The following YWHAZ variants were observed in gnomAD, a reference collection of about 807,000 sequenced individuals.
YWHAZ encodes 14-3-3 protein zeta/delta.
For synonymous variants in YWHAZ, 87 were observed against 103.6 expected, an observed-to-expected ratio of 0.84 and a Z score of 0.97; for missense variants, 79 against 284.8, an observed-to-expected ratio of 0.28 and a Z score of 5.20.
At chr8:100,950,611 C>G (rs972748815) in intron 1 of YWHAZ, 2 of 985,734 alleles carry the variant, frequency 2.0e-6, no homozygotes, top group Non-Finnish European at 2.4e-6. Context: ...TTCCTCCCCC[C>G]GACCGGAGCC....
chr8:100,945,498 T>C (rs1810200570), intron 2 of YWHAZ, among the ~76,000 whole-genome samples: 1 of 152,160 alleles, frequency 6.6e-6, no homozygotes, highest in Admixed American at 6.5e-5. Context: ...CCTGCTTATT[T>C]TTCTCAAATT....
chr8:100,944,640 T>G (rs903145854), intron 2 of YWHAZ, among the ~76,000 whole-genome samples: 1 of 152,230 alleles, frequency 6.6e-6, no homozygotes, highest in East Asian at 1.9e-4. Context: ...TAAAGGCTTC[T>G]TCAATCTTCG....
At chr8:100,950,558 G>A in intron 1 of YWHAZ, 5 of 985,482 alleles carry the variant, frequency 5.1e-6, no homozygotes, top group East Asian at 1.1e-4. Context: ...CCTTTGTCAT[G>A]GCGGATCTGT....
rs993461323 is a variant in YWHAZ, at chr8:100,918,011, G to A, written c.*2682C>T. Reference sequence around the variant, plus strand: ...CAGATGACTGATGCACATTAAATAGGCAAATGTGCCAAGTTTCAGGTTTTA... The same window carrying A: ...CAGATGACTGATGCACATTAAATAGACAAATGTGCCAAGTTTCAGGTTTTA... On this transcript the variant is annotated 3_prime_UTR_variant, in exon 6 of 6. Transcript: ENST00000395958. 1.3e-5 allele frequency: 2 copies of A among 151,912 alleles called. No homozygotes were observed. Among genetic ancestry groups the A allele is most frequent in the African/African-American group, 4.8e-5 (2 of 41,354 alleles). 9.4% of individuals were successfully genotyped at this position (151,912 alleles called of 1,614,324 possible).
intron 2 of YWHAZ, among the ~76,000 whole-genome samples, chr8:100,936,557 T>C (rs1814160444): frequency 6.6e-6 from 1 of 152,130 alleles, no homozygotes; most frequent in East Asian, 1.9e-4. Context: ...GGCTCACTCC[T>C]TGGGAGGCTA....
rs562947079 is a variant in YWHAZ at position 100,938,469 on chromosome 8, C to A, written c.294+10127G>T. On this transcript the variant is annotated intron_variant, in intron 2 of 5. Coordinates refer to ENST00000395958, the MANE Select transcript of YWHAZ (RefSeq NM_145690.3). ...AAATCTATAAATTATGTAAAACTCC[C>A]AGTTTATATTATTCAATTTAAAAAC... Among the ~76,000 whole-genome samples the A allele has an allele frequency of 4.6e-5, 7 of 152,268 alleles. No homozygotes were observed. In the South Asian group the frequency reaches 1.0e-3, roughly 23 times the overall value.
chr8:100,952,651 G>A (rs1171318962), upstream of YWHAZ: 2 of 410,130 alleles, frequency 4.9e-6, no homozygotes, highest in South Asian at 1.0e-4. Flanking sequence ...AGGATGACAA[G>A]GGTGGCTCGG....
chr8:100,924,429 C>A lies in YWHAZ; in HGVS notation c.419-131G>T. The A allele has an allele frequency of 1.1e-6, 1 of 914,270 alleles. No individual in the cohort carries two copies. The highest frequency in any genetic ancestry group is 1.6e-6 in the Non-Finnish European group (1 of 635,166). The allele number at this position is 914,270 out of a possible 1,614,324, so 56.6% of individuals were successfully genotyped here. ...AACAGCTTAATATTTGTTAATTGAA[C>A]AAGGTCCTTTTTTTTTTTTAAAGGG... On this transcript the variant is annotated intron_variant, in intron 3 of 5. Transcript: ENST00000395958. The surrounding 1 kb of genome is among the most constrained non-coding windows in gnomAD (Gnocchi z 5.7).
chr8:100,951,198 TC>T, intron 1 of YWHAZ: 1 of 983,854 alleles, frequency 1.0e-6, no homozygotes, highest in Non-Finnish European at 1.2e-6. Flanking sequence ...CGCAGTGGAC[TC>T]CCCTCCCGCC....
At chr8:100,947,649 T>A (rs1171001064) in intron 2 of YWHAZ, among the ~76,000 whole-genome samples, 2 of 152,226 alleles carry the variant, frequency 1.3e-5, no homozygotes, top group African/African-American at 4.8e-5. Flanking sequence ...GACATTATCC[T>A]ATTGCTCATT....
chr8:100,943,880 G>A (rs946199176), intron 2 of YWHAZ, among the ~76,000 whole-genome samples: 7 of 151,794 alleles, frequency 4.6e-5, no homozygotes, highest in African/African-American at 1.2e-4. Context: ...CCAGCTACTC[G>A]GGAGGCTGAG....
Position 100,928,470 on chromosome 8 carries a change from G to C in YWHAZ, c.295-3431C>G, listed in dbSNP as rs1813521688. On this transcript the variant is annotated intron_variant, in intron 2 of 5. Coordinates refer to ENST00000395958, the MANE Select transcript of YWHAZ (RefSeq NM_145690.3). ...TTTTCTGCCAGGTGTGGTGGTTCAT[G>C]CCTATAATCCCAGCACTTTGGGAGG... 2.0e-5 allele frequency among the ~76,000 whole-genome samples: 3 copies of C among 152,182 alleles called. No individual in the cohort carries two copies. In the South Asian group the frequency reaches 6.2e-4, roughly 31 times the overall value.
rs1813209987 is a variant in YWHAZ, at chr8:100,924,223, G to A, written c.494C>T (p.Pro165Leu). The change falls in exon 4 of 6, where the codon CCT becomes CTT. Residue 165 changes from proline to leucine, a missense_variant. Pro to Leu is a moderately conservative substitution (Grantham distance 98). Coordinates refer to ENST00000395958, the MANE Select transcript of YWHAZ (RefSeq NM_145690.3). The surrounding 1 kb of genome is among the most constrained non-coding windows in gnomAD (Gnocchi z 5.7). ...GTTAAGGGCCAGACCCAGTCTGATA[G>A]GATGTGTTGGTTGCATTTCCTTTTT... ...ISKKEMQPTH[P>L]IRLGLALNFS... 1 of 1,614,140 alleles carries A rather than the reference G, an allele frequency of 6.2e-7. No individual in the cohort carries two copies. The highest frequency in any genetic ancestry group is 8.5e-7 in the Non-Finnish European group (1 of 1,180,010).
chr8:100,925,042 TAAG>T lies in YWHAZ; in HGVS notation c.295-6_295-4del, dbSNP rs1343785935. ...ATCAAGAACTTTTCCAAAAGAGACT[TAAG>T]AAGAAAAGAAACAGACATAGTGAGA... On this transcript the variant is annotated splice_region_variant and splice_polypyrimidine_tract_variant and intron_variant, in intron 2 of 5. Transcript: ENST00000395958. 11 of 1,610,436 alleles carry T rather than the reference TAAG, an allele frequency of 6.8e-6. No homozygotes were observed. Among genetic ancestry groups the T allele is most frequent in the East Asian group, 2.2e-5 (1 of 44,854 alleles).
chr8:100,919,983 T>C lies in YWHAZ; in HGVS notation c.*710A>G, dbSNP rs1417670269. 6.5e-6 allele frequency: 1 copy of C among 152,674 alleles called. No individual in the cohort carries two copies. Among genetic ancestry groups the C allele is most frequent in the African/African-American group, 2.4e-5 (1 of 41,480 alleles). The allele number at this position is 152,674 out of a possible 1,614,324, so 9.5% of individuals were successfully genotyped here. ...GTAATGAATACCAAGCAATTCATTT[T>C]TCCTGCATCTTTACTTTTACATTTG... On this transcript the variant is annotated 3_prime_UTR_variant, in exon 6 of 6. Transcript: ENST00000395958.
chr8:100,930,105 T>A (rs1159251733), intron 2 of YWHAZ, among the ~76,000 whole-genome samples: 1 of 152,184 alleles, frequency 6.6e-6, no homozygotes, highest in East Asian at 1.9e-4. Flanking sequence ...TGTCACAATT[T>A]CAACCGTATT....
rs1810481624 is a variant in YWHAZ, at chr8:100,948,627, G to A, written c.263C>T (p.Thr88Met). ...ATCATTGCAGATATCTCTTAGCTCC[G>A]TCTCAATTTTCTCTCTGTATTCTCG... ...MAREYREKIE[T>M]ELRDICNDVL... Residue 88 changes from threonine (T) to methionine (M), a missense_variant, in exon 2 of 6, where the codon ACG (threonine) becomes ATG (methionine). Coordinates refer to ENST00000395958, the MANE Select transcript of YWHAZ (RefSeq NM_145690.3). This position sits in a 1 kb window ranked among gnomAD's most constrained non-coding sequence, Gnocchi z 4.2. The A allele has an allele frequency of 1.2e-6, 2 of 1,610,890 alleles. No homozygotes were observed. Among genetic ancestry groups the A allele is most frequent in the African/African-American group, 1.3e-5 (1 of 74,792 alleles).
rs1250637611 is a variant in YWHAZ, at chr8:100,924,291, G to A, written c.426C>T (p.Val142=). Reference sequence around the variant, plus strand: ...CTTGGTATGCTTGTTGTGACTGATCGACAATCCCTGGATAAGACACACCAA... The same window carrying A: ...CTTGGTATGCTTGTTGTGACTGATCAACAATCCCTGGATAAGACACACCAA... The part of the protein sequence containing the change: ...VAAGDDKKGI[V]DQSQQAYQEA... Residue 142 remains valine, a synonymous_variant, in exon 4 of 6, where the codon GTC becomes GTT. Coordinates refer to ENST00000395958, the MANE Select transcript of YWHAZ (RefSeq NM_145690.3). The surrounding 1 kb of genome is among the most constrained non-coding windows in gnomAD (Gnocchi z 5.7). 19 of 1,612,322 alleles carry A rather than the reference G, an allele frequency of 1.2e-5. No homozygotes were observed. Among genetic ancestry groups the A allele is most frequent in the Non-Finnish European group, 1.5e-5 (18 of 1,179,622 alleles).
intron 2 of YWHAZ, among the ~76,000 whole-genome samples, chr8:100,940,695 G>A (rs903431085): frequency 6.6e-6 from 1 of 152,106 alleles, no homozygotes; most frequent in African/African-American, 2.4e-5. Flanking sequence ...CCACCACAGG[G>A]GTGTGTTAAT....
Sources: gnomAD v4.1 joint callset for allele counts (sites outside exome capture counted in the v4.1 genomes callset) on GRCh38, gnomAD v4.1.1 for gene constraint, Gnocchi (gnomAD v3.1) non-coding constraint, MANE v1.5 for transcripts, NCBI Gene and HGNC (gene_info 2026-07-23, HGNC 2026-07-21) for gene names.